The following TCF4 variants were observed in gnomAD, a reference collection of about 807,000 sequenced individuals.
TCF4 encodes transcription factor 4.
A neutral mutation model predicts 82.1 loss-of-function variants in TCF4; 3 were observed. The ratio of observed to expected loss-of-function variants is 0.04; its 90% CI spans 0.02 to 0.09. The LOEUF (loss-of-function observed/expected upper bound fraction) is 0.09, where lower values mean the gene tolerates loss of function less well. Among genes scored for constraint, TCF4 ranks in the 10% least tolerant of loss-of-function variants. The probability of loss-of-function intolerance (pLI) is 1.00; values close to 1 mark genes in which losing one functional copy is unlikely to be tolerated. For missense variants in TCF4, 518 were observed against 852.7 expected (o/e 0.61, Z 4.89); for synonymous variants, 276 against 309.6 (o/e 0.89, Z 1.14).
intron 8 of TCF4, among the ~76,000 whole-genome samples, chr18:55,343,602 C>A (rs192862504): frequency 6.6e-6 from 1 of 152,030 alleles, no homozygotes; most frequent in Non-Finnish European, 1.5e-5. Flanking sequence ...TTATTTTCAA[C>A]CCTGAAATTT....
intron 8 of TCF4, among the ~76,000 whole-genome samples, chr18:55,297,399 C>T (rs2066863112): frequency 6.6e-6 from 1 of 151,996 alleles, no homozygotes; most frequent in South Asian, 2.1e-4. Context: ...TAATGTCTTC[C>T]TTGTGGATAC....
chr18:55,580,868 GTC>G (rs1320298649), intron 3 of TCF4, among the ~76,000 whole-genome samples: 13 of 151,650 alleles, frequency 8.6e-5, no homozygotes, highest in African/African-American at 3.1e-4. Flanking sequence ...TTTAACATCT[GTC>G]TCTGTTTCCT....
At chr18:55,353,968 C>G (rs1215500017) in intron 6 of TCF4, among the ~76,000 whole-genome samples, 1 of 152,126 alleles carries the variant, frequency 6.6e-6, no homozygotes, top group Non-Finnish European at 1.5e-5. Context: ...ATTGTGCAAG[C>G]TCATGTTCTG....
At chr18:55,604,623 G>A (rs547661321) in intron 2 of TCF4, among the ~76,000 whole-genome samples, 12 of 152,250 alleles carry the variant, frequency 7.9e-5, no homozygotes, top group African/African-American at 2.4e-4. Context: ...TGGCAAGACC[G>A]GATCTCACTA....
intron 5 of TCF4, among the ~76,000 whole-genome samples, chr18:55,448,470 C>T (rs1418181311): frequency 6.6e-6 from 1 of 152,258 alleles, no homozygotes; most frequent in Non-Finnish European, 1.5e-5. Flanking sequence ...CGGACCATGT[C>T]TTGAACGGCT....
At chr18:55,497,126 C>T (rs2096646150) in intron 3 of TCF4, among the ~76,000 whole-genome samples, 1 of 152,080 alleles carries the variant, frequency 6.6e-6, no homozygotes, top group South Asian at 2.1e-4. Context: ...CAATAATCAG[C>T]AAACATGATG....
chr18:55,330,230 G>C (rs547600094), intron 8 of TCF4, among the ~76,000 whole-genome samples: 157 of 148,212 alleles, frequency 1.1e-3, no homozygotes, highest in African/African-American at 3.9e-3. Flanking sequence ...TGCCAGGCTG[G>C]AGTGCAGTGG....
rs571618536 is a variant in TCF4 at position 55,419,871 on chromosome 18, C to A, written c.305-16353G>T. Reference sequence around the variant, plus strand: ...GAACACTGGCTTCGCTGCCCACAAACAAATGTTGATTTTGTTGCAACACCT... The same window carrying A: ...GAACACTGGCTTCGCTGCCCACAAAAAAATGTTGATTTTGTTGCAACACCT... On this transcript the variant is annotated intron_variant, in intron 5 of 19. Transcript: ENST00000354452. Among the ~76,000 whole-genome samples the A allele has an allele frequency of 5.9e-5, 9 of 152,294 alleles. No individual in the cohort carries two copies. The East Asian group carries it at 1.7e-3, about 29-fold the overall frequency.
chr18:55,481,610 T>G (rs964087558), intron 3 of TCF4, among the ~76,000 whole-genome samples: 1 of 152,226 alleles, frequency 6.6e-6, no homozygotes, highest in African/African-American at 2.4e-5. Flanking sequence ...GACAGAAAGC[T>G]GTACTTTAAA....
In TCF4 at chr18:55,247,344, A is replaced by G. The variant is rs77109773; in HGVS notation, c.1350+7153T>C. 1.6e-3 allele frequency among the ~76,000 whole-genome samples: 247 copies of G among 152,320 alleles called. 1 individual carries two copies. Among genetic ancestry groups the G allele is most frequent in the Non-Finnish European group, 3.0e-3 (202 of 68,028 alleles). ...AATGAGGGCTTCAGGGAAACCATTAAACAGGAATCAGACTGAGGCTACAAC... is the reference window on the plus strand; with the variant it reads ...AATGAGGGCTTCAGGGAAACCATTAGACAGGAATCAGACTGAGGCTACAAC... On this transcript the variant is annotated intron_variant, in intron 15 of 19. Coordinates refer to ENST00000354452, the MANE Select transcript of TCF4 (RefSeq NM_001083962.2).
chr18:55,536,466 AC>A (rs1348211222), intron 3 of TCF4, among the ~76,000 whole-genome samples: 2 of 152,228 alleles, frequency 1.3e-5, no homozygotes, highest in African/African-American at 4.8e-5. Flanking sequence ...AAACACAGTA[AC>A]CTAGTGCCAT....
At chr18:55,539,847 G>A (rs775352518) in intron 3 of TCF4, among the ~76,000 whole-genome samples, 7 of 151,898 alleles carry the variant, frequency 4.6e-5, no homozygotes, top group Admixed American at 2.0e-4. Context: ...TACAATACAC[G>A]AGACCAATGA....
intron 8 of TCF4, among the ~76,000 whole-genome samples, chr18:55,288,480 C>T (rs760925576): frequency 6.6e-6 from 1 of 152,168 alleles, no homozygotes; most frequent in African/African-American, 2.4e-5. Flanking sequence ...TTCAAAACCA[C>T]GTAGTCTTGT....
At chr18:55,365,191 A>ATATATATATATATATATATGTGTG (rs1361444592) in intron 6 of TCF4, among the ~76,000 whole-genome samples, 3 of 97,942 alleles carry the variant, frequency 3.1e-5, no homozygotes, top group African/African-American at 1.5e-4. Flanking sequence ...ATATATATAT[A>ATATATATATATATATATATGTGTG]TGTGTGTGTG....
chr18:55,260,103 T>C, intron 12 of TCF4, 76 bp from the exon 13 acceptor site: 1 of 1,091,082 alleles, frequency 9.2e-7, no homozygotes, highest in Admixed American at 1.7e-5. Flanking sequence ...TACGAAGTTG[T>C]CAACGCAATT....
At chr18:55,318,060 G>T (rs970887443) in intron 8 of TCF4, among the ~76,000 whole-genome samples, 1 of 152,020 alleles carries the variant, frequency 6.6e-6, no homozygotes. Flanking sequence ...TTCTCTCTAC[G>T]GTTTAACACA....
chr18:55,263,930 A>G (rs1301214931), intron 11 of TCF4, among the ~76,000 whole-genome samples: 1 of 152,126 alleles, frequency 6.6e-6, no homozygotes, highest in African/African-American at 2.4e-5. Flanking sequence ...ACTACAGATA[A>G]TATCTGCTAC....
At chr18:55,480,948 A>G (rs2096414082) in intron 3 of TCF4, among the ~76,000 whole-genome samples, 1 of 152,052 alleles carries the variant, frequency 6.6e-6, no homozygotes, top group Non-Finnish European at 1.5e-5. Context: ...TACTAAAAAT[A>G]CAAAAAATTG....
chr18:55,617,173 T>C (rs1318054176), intron 2 of TCF4, among the ~76,000 whole-genome samples: 5 of 152,170 alleles, frequency 3.3e-5, no homozygotes, highest in Non-Finnish European at 7.4e-5. Flanking sequence ...TGCAGTTTTC[T>C]CGACATCATT....
Sources: allele counts gnomAD v4.1 joint callset (sites outside exome capture counted in the v4.1 genomes callset), GRCh38; gene constraint gnomAD v4.1.1; transcripts MANE v1.5; gene names NCBI Gene and HGNC (gene_info 2026-07-23, HGNC 2026-07-21).